KAZN: variants seen among roughly 807,000 people sequenced by gnomAD.
The protein encoded by KAZN is kazrin, periplakin interacting protein.
KAZN carries 40 observed loss-of-function variants against 87.4 expected under a neutral mutation model. The ratio of observed to expected loss-of-function variants is 0.46; its 90% CI spans 0.36 to 0.60. KAZN has a LOEUF of 0.60. Among genes scored for constraint, KAZN ranks in the 20% least tolerant of loss-of-function variants. The pLI is 0.00. For synonymous variants in KAZN, 466 were observed against 458.3 expected (o/e 1.02, Z -0.22); for missense variants, 898 against 1,073.9 (o/e 0.84, Z 2.29).
At chr1:14,543,863 T>C (rs939800025) in intron 2 of KAZN, among the ~76,000 whole-genome samples, 26 of 152,178 alleles carry the variant, frequency 1.7e-4, no homozygotes, top group African/African-American at 6.3e-4. Context: ...AGATGACCAA[T>C]TAAATGAAAG....
intron 1 of KAZN, among the ~76,000 whole-genome samples, chr1:14,054,236 C>T (rs946393427): frequency 6.6e-6 from 1 of 151,998 alleles, no homozygotes; most frequent in African/African-American, 2.4e-5. Context: ...CTGTATAATC[C>T]AGGCTGGGCT....
chr1:14,228,809 G>C (rs192532707), intron 2 of KAZN, among the ~76,000 whole-genome samples: 1 of 152,170 alleles, frequency 6.6e-6, no homozygotes. Flanking sequence ...ACATCAGTCC[G>C]GGCCTACTCA....
At chr1:15,034,997 G>A in intron 3 of KAZN, 112 bp downstream of exon 3, 1 of 1,362,424 alleles carries the variant, frequency 7.3e-7, no homozygotes, top group Non-Finnish European at 1.0e-6. Context: ...CACAGATAGG[G>A]AGGCCCTTGA....
At chr1:14,554,015 G>C (rs1027417354) in intron 2 of KAZN, among the ~76,000 whole-genome samples, 2 of 152,180 alleles carry the variant, frequency 1.3e-5, no homozygotes, top group Non-Finnish European at 2.9e-5. Flanking sequence ...AGAGAATGTA[G>C]AAGAGTAATT....
chr1:14,057,043 CAA>C (rs527243643), intron 1 of KAZN, among the ~76,000 whole-genome samples: 121 of 91,616 alleles, frequency 1.3e-3, no homozygotes, highest in Non-Finnish European at 1.7e-3. Context: ...GACCCTGTCT[CAA>C]AAAAAAAAAA....
rs532821316 is a variant in KAZN, at chr1:15,038,713, T to C, written c.555+3828T>C. ...TAACAGACATTTATTGTGCACCTAC[T>C]GTATAAGGCATGACCGTGACAGTAC... On this transcript the variant is annotated intron_variant, in intron 3 of 14. Transcript: ENST00000376030. Among the ~76,000 whole-genome samples, 4 of 152,300 alleles carry C rather than the reference T, an allele frequency of 2.6e-5. No individual in the cohort carries two copies. The East Asian group carries it at 7.7e-4, about 29-fold the overall frequency.
chr1:14,279,436 A>AT (rs1422842964), intron 2 of KAZN, among the ~76,000 whole-genome samples: 1 of 152,204 alleles, frequency 6.6e-6, no homozygotes, highest in East Asian at 1.9e-4. Flanking sequence ...ACACGAAGGC[A>AT]TTTTTAAACA....
chr1:14,314,996 A>C (rs369796042), intron 2 of KAZN, among the ~76,000 whole-genome samples: 3 of 152,152 alleles, frequency 2.0e-5, no homozygotes, highest in East Asian at 3.8e-4. Flanking sequence ...TGCTGTATCA[A>C]AATTTCATTC....
At chr1:14,635,112 A>G (rs1044794811) in intron 1 of KAZN, among the ~76,000 whole-genome samples, 3 of 152,202 alleles carry the variant, frequency 2.0e-5, no homozygotes, top group Admixed American at 1.3e-4. Context: ...AGTTGTTTGT[A>G]CTGGTGCAGA....
At chr1:14,324,647 C>T (rs764810381) in intron 2 of KAZN, among the ~76,000 whole-genome samples, 3 of 152,066 alleles carry the variant, frequency 2.0e-5, no homozygotes, top group African/African-American at 4.8e-5. Context: ...TGCCATTCTA[C>T]CAAGTTTCTG....
intron 2 of KAZN, among the ~76,000 whole-genome samples, chr1:14,514,324 C>CAAAAA (rs1392512628): frequency 4.6e-5 from 1 of 21,894 alleles, no homozygotes; most frequent in Admixed American, 5.3e-4. Flanking sequence ...GACTCTGTCT[C>CAAAAA]AAAAAATTTA....
intron 2 of KAZN, among the ~76,000 whole-genome samples, chr1:14,183,809 G>C (rs918700957): frequency 6.6e-6 from 1 of 152,128 alleles, no homozygotes; most frequent in Non-Finnish European, 1.5e-5. Flanking sequence ...CTTGAAGGCC[G>C]AGTGCTAAAG....
intron 1 of KAZN, among the ~76,000 whole-genome samples, chr1:14,796,585 A>G (rs945445376): frequency 1.3e-5 from 2 of 152,218 alleles, no homozygotes; most frequent in Admixed American, 1.3e-4. Flanking sequence ...CGTTTCTGTT[A>G]CAAAAAGGGT....
intron 1 of KAZN, among the ~76,000 whole-genome samples, chr1:14,715,361 T>C (rs538269602): frequency 7.6e-4 from 116 of 152,308 alleles, no homozygotes; most frequent in African/African-American, 2.7e-3. Context: ...TCCTTGCCTA[T>C]AGTGCTTTAC....
chr1:14,587,818 C>A (rs1447998584), intron 2 of KAZN, among the ~76,000 whole-genome samples: 1 of 152,180 alleles, frequency 6.6e-6, no homozygotes, highest in Non-Finnish European at 1.5e-5. Flanking sequence ...AGGGGACAAA[C>A]AACCACACTA....
At chr1:14,896,601 G>A (rs1255834659) in intron 1 of KAZN, among the ~76,000 whole-genome samples, 2 of 152,176 alleles carry the variant, frequency 1.3e-5, no homozygotes, top group African/African-American at 2.4e-5. Context: ...CTCTGCTGGT[G>A]GGGAGCAGGC....
intron 2 of KAZN, among the ~76,000 whole-genome samples, chr1:14,499,519 G>GT (rs1396855556): frequency 6.6e-6 from 1 of 152,168 alleles, no homozygotes; most frequent in Non-Finnish European, 1.5e-5. Flanking sequence ...AAAGGGAGGT[G>GT]TTTCTGAATA....
chr1:14,425,955 T>G (rs889920565), intron 2 of KAZN, among the ~76,000 whole-genome samples: 1 of 152,192 alleles, frequency 6.6e-6, no homozygotes, highest in African/African-American at 2.4e-5. Flanking sequence ...AACATTCTTT[T>G]ATCTGGATTT....
intron 1 of KAZN, among the ~76,000 whole-genome samples, chr1:14,787,918 G>A (rs1004884626): frequency 2.0e-5 from 3 of 152,184 alleles, no homozygotes; most frequent in Non-Finnish European, 2.9e-5. Flanking sequence ...CACCATTTTC[G>A]AAAGATCAGT....
Sources: allele counts gnomAD v4.1 joint callset (sites outside exome capture counted in the v4.1 genomes callset), GRCh38; gene constraint gnomAD v4.1.1; transcripts MANE v1.5; gene names NCBI Gene and HGNC (gene_info 2026-07-23, HGNC 2026-07-21).